Variants in VAV3 observed in about 807,000 individuals in gnomAD.
The protein encoded by VAV3 is guanine nucleotide exchange factor VAV3.
A neutral mutation model predicts 131.2 loss-of-function variants in VAV3; 94 were observed. That is an observed-to-expected ratio of 0.72 (90% CI 0.61 to 0.85). The LOEUF (loss-of-function observed/expected upper bound fraction) is 0.85. Ranked by LOEUF, VAV3 falls within the 40% of genes least tolerant of loss-of-function variation. The pLI, the probability that VAV3 is intolerant of heterozygous loss-of-function variation, is 0.00. For synonymous variants in VAV3, 349 were observed against 342.0 expected (o/e 1.02, Z -0.22); for missense variants, 939 against 1,002.7 (o/e 0.94, Z 0.86).
chr1:107,847,779 T>C (rs1362023286), intron 2 of VAV3, among the ~76,000 whole-genome samples: 1 of 152,120 alleles, frequency 6.6e-6, no homozygotes, highest in Non-Finnish European at 1.5e-5. Flanking sequence ...CAGTAATTAA[T>C]AGCTGACCAA....
intron 20 of VAV3, among the ~76,000 whole-genome samples, chr1:107,626,697 T>C (rs1398293947): frequency 2.6e-5 from 4 of 152,178 alleles, no homozygotes; most frequent in Admixed American, 2.6e-4. Context: ...TGATAAAATC[T>C]GAGTTTGAGA....
chr1:107,618,954 TC>T (rs1653367302), intron 20 of VAV3, among the ~76,000 whole-genome samples: 1 of 152,200 alleles, frequency 6.6e-6, no homozygotes, highest in South Asian at 2.1e-4. Flanking sequence ...GGAATATGGC[TC>T]CTAGATGGGT....
chr1:107,678,217 T>C (rs1283267621), intron 19 of VAV3, among the ~76,000 whole-genome samples: 2 of 152,222 alleles, frequency 1.3e-5, no homozygotes, highest in Non-Finnish European at 2.9e-5. Context: ...CTGGGTTTAC[T>C]GTCCCAGTTT....
chr1:107,707,612 C>A (rs1031581728), intron 15 of VAV3, among the ~76,000 whole-genome samples: 1 of 152,192 alleles, frequency 6.6e-6, no homozygotes, highest in Admixed American at 6.5e-5. Context: ...TTCTGAGAAT[C>A]TCCAGCACAA....
chr1:107,867,360 A>G (rs1016837984), intron 2 of VAV3, among the ~76,000 whole-genome samples: 1 of 152,212 alleles, frequency 6.6e-6, no homozygotes, highest in Non-Finnish European at 1.5e-5. Flanking sequence ...TGGCTCGGGT[A>G]CTAAAGTTCT....
chr1:107,591,477 A>T (rs1448321185), intron 25 of VAV3, among the ~76,000 whole-genome samples: 1 of 152,200 alleles, frequency 6.6e-6, no homozygotes, highest in African/African-American at 2.4e-5. Flanking sequence ...ATGAGGTCAC[A>T]GGTAAGGAAC....
At chr1:107,939,241 C>A (rs1057402435) in intron 1 of VAV3, among the ~76,000 whole-genome samples, 1 of 152,096 alleles carries the variant, frequency 6.6e-6, no homozygotes, top group Non-Finnish European at 1.5e-5. Flanking sequence ...GAAACTAAAT[C>A]TCCTTGCAAG....
chr1:107,841,222 A>G (rs1668690762), intron 2 of VAV3, among the ~76,000 whole-genome samples: 1 of 152,166 alleles, frequency 6.6e-6, no homozygotes, highest in Non-Finnish European at 1.5e-5. Flanking sequence ...ATATGGTAAC[A>G]TAGCAGTGAA....
At chr1:107,788,173 T>C (rs1180951377) in intron 2 of VAV3, among the ~76,000 whole-genome samples, 4 of 152,112 alleles carry the variant, frequency 2.6e-5, no homozygotes, top group African/African-American at 9.7e-5. Flanking sequence ...TTTCACTCCC[T>C]TCAATTTCAT....
At position 107,964,755 on chromosome 1, in the gene VAV3, C is replaced by A; in HGVS notation, c.115G>T (p.Asp39Tyr). Residue 39 changes from aspartate to tyrosine, a missense_variant, in exon 1 of 27, where the codon GAT becomes TAT. Coordinates refer to ENST00000370056, the MANE Select transcript of VAV3 (RefSeq NM_006113.5). ...QVFDLAQTLR[D>Y]GVLLCQLLNN... ...AGCAGCTGGCAGAGCAGGACTCCAT[C>A]GCGGAGGGTCTGCGCAAGGTCGAAC... The A allele has an allele frequency of 6.2e-7, 1 of 1,614,110 alleles. No homozygotes were observed. The highest frequency in any genetic ancestry group is 1.1e-5 in the South Asian group (1 of 91,072).
chr1:107,661,204 T>C (rs989168030), intron 19 of VAV3, among the ~76,000 whole-genome samples: 21 of 152,190 alleles, frequency 1.4e-4, no homozygotes, highest in African/African-American at 5.1e-4. Context: ...CACTTTCCCA[T>C]GCCAGGATCT....
intron 19 of VAV3, among the ~76,000 whole-genome samples, chr1:107,678,223 A>G (rs1658351939): frequency 6.6e-6 from 1 of 152,154 alleles, no homozygotes; most frequent in Non-Finnish European, 1.5e-5. Context: ...TTACTGTCCC[A>G]GTTTTTTCAA....
At chr1:107,844,941 G>C (rs745663345) in intron 2 of VAV3, among the ~76,000 whole-genome samples, 9 of 151,916 alleles carry the variant, frequency 5.9e-5, no homozygotes, top group Non-Finnish European at 1.2e-4. Flanking sequence ...TCTCAGCACA[G>C]CGTTTGAGCT....
In VAV3 at chr1:107,716,796, T is replaced by A. The variant is rs536025672; in HGVS notation, c.1503-11735A>T. Among the ~76,000 whole-genome samples the A allele has an allele frequency of 2.0e-5, 3 of 152,324 alleles. No homozygotes were observed. In the South Asian group the frequency reaches 6.2e-4, roughly 32 times the overall value. On this transcript the variant is annotated intron_variant, in intron 15 of 26. Coordinates refer to ENST00000370056, the MANE Select transcript of VAV3 (RefSeq NM_006113.5). ...TTCCCTCTTTTTCTGTTGACTGGAA[T>A]AATTTCAGAAGGAATGGTACCAGCT...
intron 2 of VAV3, among the ~76,000 whole-genome samples, chr1:107,787,320 G>A (rs17229564): frequency 4.6e-5 from 7 of 152,134 alleles, no homozygotes; most frequent in Non-Finnish European, 7.3e-5. Flanking sequence ...AGCAAAATGA[G>A]GATACAATGC....
rs143185100 is a variant in VAV3, at chr1:107,906,974, A to C, written c.205-31957T>G. 1.6e-3 allele frequency among the ~76,000 whole-genome samples: 243 copies of C among 152,308 alleles called. 2 individuals are homozygous for C. Among genetic ancestry groups the C allele is most frequent in the African/African-American group, 5.7e-3 (237 of 41,574 alleles). On this transcript the variant is annotated intron_variant, in intron 1 of 26. Transcript: ENST00000370056. ...TAGTGTTTATATGAAGCATGGGTGG[A>C]GGTCCAAGTATCTTATATGATTGAG...
chr1:107,762,088 C>T (rs1209499917), intron 9 of VAV3, among the ~76,000 whole-genome samples: 1 of 145,570 alleles, frequency 6.9e-6, no homozygotes, highest in Non-Finnish European at 1.5e-5. Flanking sequence ...TCTGATTTTA[C>T]TGTTTCTCAC....
At position 107,792,628 on chromosome 1, in the gene VAV3, T is replaced by C. The variant is rs79169087; in HGVS notation, c.322-13136A>G. Among the ~76,000 whole-genome samples the C allele has an allele frequency of 7.8e-3, 1,189 of 152,380 alleles. 10 individuals are homozygous for C. Among genetic ancestry groups the C allele is most frequent in the East Asian group, 0.015 (79 of 5,188 alleles). ...TCTGTAGCATTTGGGTACAAATTTA[T>C]GTAAAATAAAATGTCAAAAAATTAC... On this transcript the variant is annotated intron_variant, in intron 2 of 26. Coordinates refer to ENST00000370056, the MANE Select transcript of VAV3 (RefSeq NM_006113.5).
chr1:107,599,906 T>G (rs1013190575), intron 24 of VAV3, among the ~76,000 whole-genome samples: 10 of 142,808 alleles, frequency 7.0e-5, no homozygotes, highest in African/African-American at 2.5e-4. Flanking sequence ...AATAGACAAG[T>G]GTGTTATTTG....
Sources: gnomAD v4.1 joint callset for allele counts (sites outside exome capture counted in the v4.1 genomes callset) on GRCh38, gnomAD v4.1.1 for gene constraint, MANE v1.5 for transcripts, NCBI Gene and HGNC (gene_info 2026-07-23, HGNC 2026-07-21) for gene names.